The following TEX36 variants were observed in gnomAD, a reference collection of about 807,000 sequenced individuals.
TEX36 encodes the protein testis expressed 36, also known as testis-expressed protein 36.
A neutral mutation model predicts 13.6 loss-of-function variants in TEX36; 12 were observed. The ratio of observed to expected loss-of-function variants is 0.88; its 90% CI spans 0.56 to 1.43. TEX36 has a LOEUF of 1.43. Among genes scored for constraint, TEX36 ranks in the 40% most tolerant of loss-of-function variants. The probability of loss-of-function intolerance (pLI) is 0.00; values close to 1 mark genes in which losing one functional copy is unlikely to be tolerated. For synonymous variants in TEX36, 93 were observed against 83.0 expected, an observed-to-expected ratio of 1.12 and a Z score of -0.65; for missense variants, 224 against 228.3, an observed-to-expected ratio of 0.98 and a Z score of 0.12.
chr10:125,630,329 G>A (rs139649698), intron 3 of TEX36, among the ~76,000 whole-genome samples: 2 of 152,296 alleles, frequency 1.3e-5, no homozygotes, highest in East Asian at 1.9e-4. Flanking sequence ...AAAGTCTGGG[G>A]GCTGGATACA....
At chr10:125,680,345 A>T (rs1847374673) in intron 1 of TEX36, among the ~76,000 whole-genome samples, 1 of 152,226 alleles carries the variant, frequency 6.6e-6, no homozygotes, top group Non-Finnish European at 1.5e-5. Flanking sequence ...AGGTCTGTAG[A>T]CTAAATCACT....
intron 3 of TEX36, among the ~76,000 whole-genome samples, chr10:125,591,737 G>T (rs943841350): frequency 6.6e-6 from 1 of 152,168 alleles, no homozygotes; most frequent in Non-Finnish European, 1.5e-5. Context: ...CACATTAAAG[G>T]AAAATATCCC....
chr10:125,613,436 C>T (rs1288271517), intron 3 of TEX36, among the ~76,000 whole-genome samples: 1 of 92,048 alleles, frequency 1.1e-5, no homozygotes, highest in Non-Finnish European at 2.0e-5. Context: ...CCCCCTCCCC[C>T]CACCCCACAA....
At chr10:125,678,115 T>C (rs1847339272) in intron 1 of TEX36, among the ~76,000 whole-genome samples, 1 of 152,254 alleles carries the variant, frequency 6.6e-6, no homozygotes, top group South Asian at 2.1e-4. Flanking sequence ...TGTCCTTACA[T>C]TGCTATCTGC....
At chr10:125,603,406 C>G (rs948185958) in intron 3 of TEX36, among the ~76,000 whole-genome samples, 1 of 152,006 alleles carries the variant, frequency 6.6e-6, no homozygotes, top group Non-Finnish European at 1.5e-5. Context: ...TTAGTGGTCC[C>G]CCATCTGCTC....
At position 125,683,053 on chromosome 10, in the gene TEX36, C is replaced by G; in HGVS notation, c.-64G>C. On this transcript the variant is annotated 5_prime_UTR_variant, in exon 1 of 4. Transcript: ENST00000368821. ...TCACCTCTCCATAAGCTCTACATGTCTGGGAAGCTGCTTCCTAAACTTCAT... is the reference window on the plus strand; with the variant it reads ...TCACCTCTCCATAAGCTCTACATGTGTGGGAAGCTGCTTCCTAAACTTCAT... The G allele has an allele frequency of 6.6e-7, 1 of 1,526,380 alleles. No individual in the cohort carries two copies. The highest frequency in any genetic ancestry group is 1.2e-5 in the South Asian group (1 of 83,564). The allele number at this position is 1,526,380 out of a possible 1,614,324, so 94.6% of individuals were successfully genotyped here. A position where few individuals can be genotyped will look rare whatever the true frequency, so the allele number is the denominator to read the frequency against.
chr10:125,604,143 A>C lies in TEX36; in HGVS notation c.265-27269T>G, dbSNP rs150677091. On this transcript the variant is annotated intron_variant, in intron 3 of 3. Coordinates refer to the TEX36 transcript ENST00000532135. ...AAATGTGACCAGAGCCAGGAGAAAG[A>C]ACTCTCAATGGCAGGGTTCCCCGAC... Among the ~76,000 whole-genome samples, 509 of 152,268 alleles carry C rather than the reference A, an allele frequency of 3.3e-3. 3 individuals carry two copies. The highest frequency in any genetic ancestry group is 0.012 in the African/African-American group (484 of 41,542).
chr10:125,673,177 TG>T (rs1257815217), intron 1 of TEX36, among the ~76,000 whole-genome samples: 1 of 152,214 alleles, frequency 6.6e-6, no homozygotes, highest in African/African-American at 2.4e-5. Context: ...TGATGTTAGC[TG>T]GTTATTTTTG....
At chr10:125,663,179 T>A (rs886546051) in intron 1 of TEX36, among the ~76,000 whole-genome samples, 2 of 152,188 alleles carry the variant, frequency 1.3e-5, no homozygotes, top group Non-Finnish European at 2.9e-5. Context: ...AAAATGGGAA[T>A]AATAATACCT....
intron 3 of TEX36, among the ~76,000 whole-genome samples, chr10:125,658,407 A>C (rs1394613104): frequency 1.3e-5 from 2 of 152,172 alleles, no homozygotes; most frequent in Non-Finnish European, 2.9e-5. Context: ...ATAAGGTATT[A>C]AACTATATCA....
At chr10:125,663,031 G>A (rs1227788967) in intron 1 of TEX36, among the ~76,000 whole-genome samples, 1 of 152,172 alleles carries the variant, frequency 6.6e-6, no homozygotes, top group Admixed American at 6.5e-5. Context: ...TCCCATAAAG[G>A]GAGAAGGAAG....
At chr10:125,648,878 G>A (rs1016746507) in intron 3 of TEX36, among the ~76,000 whole-genome samples, 3 of 152,166 alleles carry the variant, frequency 2.0e-5, no homozygotes, top group Admixed American at 6.5e-5. Context: ...TTCAGTAGCC[G>A]ATTCGATCAA....
intron 3 of TEX36, among the ~76,000 whole-genome samples, chr10:125,591,994 T>C (rs762041342): frequency 1.6e-4 from 25 of 152,184 alleles, no homozygotes; most frequent in Non-Finnish European, 2.6e-4. Flanking sequence ...TCCTGCACGA[T>C]AGAACTGCAA....
chr10:125,597,340 C>G (rs1846093302), intron 3 of TEX36, among the ~76,000 whole-genome samples: 1 of 151,628 alleles, frequency 6.6e-6, no homozygotes, highest in African/African-American at 2.4e-5. Context: ...ACCCAGTGCA[C>G]AGAAAAAAAA....
chr10:125,582,969 A>G (rs1057153450), intron 3 of TEX36, among the ~76,000 whole-genome samples: 3 of 152,216 alleles, frequency 2.0e-5, no homozygotes, highest in Non-Finnish European at 2.9e-5. Context: ...ATTATTTCTC[A>G]AGAACAACAC....
chr10:125,619,390 C>A (rs373296831), downstream of TEX36, among the ~76,000 whole-genome samples: 156 of 152,120 alleles, frequency 1.0e-3, 1 homozygote, highest in African/African-American at 3.6e-3. Flanking sequence ...AGGGCTCCAT[C>A]CCTGGTCCCT....
intron 3 of TEX36, among the ~76,000 whole-genome samples, chr10:125,611,648 T>C (rs1298910393): frequency 6.6e-6 from 1 of 152,204 alleles, no homozygotes. Flanking sequence ...CAAACTTTTT[T>C]TGCAATTTGC....
downstream of TEX36, among the ~76,000 whole-genome samples, chr10:125,618,546 G>C (rs541479084): frequency 9.2e-5 from 14 of 152,204 alleles, 1 homozygote; most frequent in South Asian, 2.9e-3. Context: ...GTACCCGGCT[G>C]TGTGAGGTGT....
chr10:125,647,456 C>A (rs1167275470), intron 3 of TEX36, among the ~76,000 whole-genome samples: 3 of 152,084 alleles, frequency 2.0e-5, no homozygotes, highest in African/African-American at 7.2e-5. Flanking sequence ...TTTCTGTAAA[C>A]CTAAAACTGC....
Sources: gnomAD v4.1 joint callset for allele counts (sites outside exome capture counted in the v4.1 genomes callset) on GRCh38, gnomAD v4.1.1 for gene constraint, MANE v1.5 for transcripts, NCBI Gene and HGNC (gene_info 2026-07-23, HGNC 2026-07-21) for gene names.